The following GLP2R variants were observed in gnomAD, a reference collection of about 807,000 sequenced individuals.
GLP2R encodes glucagon like peptide 2 receptor, also known as glucagon-like peptide 2 receptor.
In GLP2R, 59 loss-of-function variants were observed where a neutral mutation model predicts 68.2. The ratio of observed to expected loss-of-function variants is 0.87; its 90% confidence interval spans 0.70 to 1.07. The LOEUF is 1.07. GLP2R is among the 50% of genes least tolerant of loss of function. The pLI is 0.00. For missense variants in GLP2R, 548 were observed against 677.4 expected, an observed-to-expected ratio of 0.81 and a Z score of 2.12; for synonymous variants, 270 against 265.4, an observed-to-expected ratio of 1.02 and a Z score of -0.17.
chr17:9,864,967 T>A (rs1291629248), intron 9 of GLP2R, among the ~76,000 whole-genome samples: 2 of 152,220 alleles, frequency 1.3e-5, no homozygotes, highest in Non-Finnish European at 2.9e-5. Context: ...ACATGCTCTA[T>A]CTTCTCACTT....
At chr17:9,849,306 A>G (rs2152036315) in intron 4 of GLP2R, among the ~76,000 whole-genome samples, 1 of 152,220 alleles carries the variant, frequency 6.6e-6, no homozygotes, top group South Asian at 2.1e-4. Context: ...TAATTTGTAG[A>G]CATCATGAGA....
intron 5 of GLP2R, among the ~76,000 whole-genome samples, chr17:9,855,753 G>A (rs945888798): frequency 6.6e-6 from 1 of 152,174 alleles, no homozygotes; most frequent in South Asian, 2.1e-4. Flanking sequence ...GAAGTAACTT[G>A]CCCAAGATCA....
chr17:9,855,959 G>A (rs1243717272), intron 5 of GLP2R, among the ~76,000 whole-genome samples: 1 of 152,204 alleles, frequency 6.6e-6, no homozygotes, highest in Non-Finnish European at 1.5e-5. Context: ...AATGTAAGCG[G>A]ATATAATGTG....
rs571775942 is a variant in GLP2R at position 9,889,952 on chromosome 17, A to G, written c.*247A>G. On this transcript the variant is annotated 3_prime_UTR_variant, in exon 13 of 13. Transcript: ENST00000262441. ...CACCAGTGTGTTTTCCACAATGCCCACCAGACCCTAGGGCCTGGCTCTAAA... is the reference window on the plus strand; with the variant it reads ...CACCAGTGTGTTTTCCACAATGCCCGCCAGACCCTAGGGCCTGGCTCTAAA... The G allele has an allele frequency of 1.7e-6, 1 of 576,824 alleles. No individual in the cohort carries two copies. The highest frequency in any genetic ancestry group is 1.5e-5 in the South Asian group (1 of 65,582). The allele number at this position is 576,824 out of a possible 1,614,324, so 35.7% of individuals were successfully genotyped here. A position where few individuals can be genotyped will look rare whatever the true frequency, so the allele number is the denominator to read the frequency against.
intron 5 of GLP2R, 132 bp from the exon 6 acceptor site, chr17:9,857,291 A>C: frequency 1.4e-6 from 1 of 733,720 alleles, no homozygotes; most frequent in Non-Finnish European, 2.3e-6. Context: ...CACATAATCC[A>C]GCAGTCCAGC....
At chr17:9,876,784 A>C (rs2067145529) in intron 10 of GLP2R, among the ~76,000 whole-genome samples, 1 of 152,248 alleles carries the variant, frequency 6.6e-6, no homozygotes, top group African/African-American at 2.4e-5. Flanking sequence ...ACCAAAGACT[A>C]AAAATGTTAC....
At chr17:9,843,747 G>A (rs7215256) in intron 4 of GLP2R, among the ~76,000 whole-genome samples, 1 of 152,212 alleles carries the variant, frequency 6.6e-6, no homozygotes, top group Admixed American at 6.5e-5. Flanking sequence ...CAAAGCGGAG[G>A]AACAGGTGTT....
At chr17:9,865,368 C>G (rs1360722452) in intron 9 of GLP2R, among the ~76,000 whole-genome samples, 1 of 152,062 alleles carries the variant, frequency 6.6e-6, no homozygotes, top group Non-Finnish European at 1.5e-5. Context: ...TTTTTGGTCT[C>G]TCTTCTTCAT....
At chr17:9,849,607 C>CTTTTTTTTTTTTTTTT (rs57795068) in intron 4 of GLP2R, among the ~76,000 whole-genome samples, 3 of 87,120 alleles carry the variant, frequency 3.4e-5, no homozygotes, top group Non-Finnish European at 4.1e-5. Flanking sequence ...TTTTCTCTTT[C>CTTTTTTTTTTTTTTTT]TTTTTTTTTT....
chr17:9,828,944 G>T (rs182683297), intron 1 of GLP2R, among the ~76,000 whole-genome samples: 1 of 152,038 alleles, frequency 6.6e-6, no homozygotes, highest in East Asian at 1.9e-4. Context: ...AATTCTGATG[G>T]CCTTACTCTT....
intron 11 of GLP2R, among the ~76,000 whole-genome samples, chr17:9,886,894 T>G (rs565848612): frequency 9.2e-5 from 14 of 152,310 alleles, no homozygotes; most frequent in Non-Finnish European, 1.8e-4. Flanking sequence ...AGTTCTGGCA[T>G]TTTCTATAAA....
chr17:9,841,574 G>A (rs1264701144), intron 3 of GLP2R, among the ~76,000 whole-genome samples: 1 of 152,198 alleles, frequency 6.6e-6, no homozygotes, highest in African/African-American at 2.4e-5. Context: ...AGGGCCGGGG[G>A]ATTGGAAGGA....
At chr17:9,883,491 C>T (rs928287592) in intron 11 of GLP2R, among the ~76,000 whole-genome samples, 1 of 152,102 alleles carries the variant, frequency 6.6e-6, no homozygotes, top group African/African-American at 2.4e-5. Context: ...AAATGTTAAT[C>T]TACACATCCA....
In GLP2R at chr17:9,870,735, C is replaced by G; in HGVS notation, c.1057-12C>G. The G allele has an allele frequency of 7.4e-7, 1 of 1,357,922 alleles. No homozygotes were observed. Among genetic ancestry groups the G allele is most frequent in the Non-Finnish European group, 1.1e-6 (1 of 945,174 alleles). The allele number at this position is 1,357,922 out of a possible 1,614,324, so 84.1% of individuals were successfully genotyped here. A position where few individuals can be genotyped will look rare whatever the true frequency, so the allele number is the denominator to read the frequency against. ...CGTCACTTACTTACCCAATTCTGCTCTTTTTTTCAAGGTCAATTTCTTCAT... is the reference window on the plus strand; with the variant it reads ...CGTCACTTACTTACCCAATTCTGCTGTTTTTTTCAAGGTCAATTTCTTCAT... On this transcript the variant is annotated splice_polypyrimidine_tract_variant and intron_variant, in intron 9 of 12. Transcript: ENST00000262441.
intron 6 of GLP2R, 92 bp downstream of exon 6, chr17:9,857,668 C>T (rs2066946850): frequency 2.4e-6 from 3 of 1,240,088 alleles, no homozygotes; most frequent in Admixed American, 1.9e-5. Flanking sequence ...TAGGGAGGGG[C>T]AGCGGGAGAT....
intron 3 of GLP2R, among the ~76,000 whole-genome samples, chr17:9,837,948 G>C (rs2066748745): frequency 1.3e-5 from 2 of 152,098 alleles, no homozygotes; most frequent in Non-Finnish European, 2.9e-5. Flanking sequence ...TCAATGTTTT[G>C]CGCCTCTAGA....
At chr17:9,880,777 T>TGAGTG (rs2067187989) in intron 11 of GLP2R, among the ~76,000 whole-genome samples, 1 of 152,196 alleles carries the variant, frequency 6.6e-6, no homozygotes, top group African/African-American at 2.4e-5. Context: ...CATGATCATA[T>TGAGTG]TAACTATGAG....
At chr17:9,889,260 G>A (rs2067269073) in intron 12 of GLP2R, 110 bp from the exon 13 acceptor site, 4 of 674,700 alleles carry the variant, frequency 5.9e-6, no homozygotes, top group Non-Finnish European at 1.0e-5. Flanking sequence ...CCAGTTAAAA[G>A]GTAAATTTCC....
At chr17:9,870,926 C>A in intron 10 of GLP2R, 91 bp downstream of exon 10, 1 of 731,822 alleles carries the variant, frequency 1.4e-6, no homozygotes, top group Non-Finnish European at 2.5e-6. Flanking sequence ...ACATTTATCT[C>A]CTAAGGCCAG....
Sources: gnomAD v4.1 joint callset for allele counts (sites outside exome capture counted in the v4.1 genomes callset) on GRCh38, gnomAD v4.1.1 for gene constraint, MANE v1.5 for transcripts, NCBI Gene and HGNC (gene_info 2026-07-23, HGNC 2026-07-21) for gene names.